The following MARCHF10 variants were observed in gnomAD, a reference collection of about 807,000 sequenced individuals.
MARCHF10 encodes the protein probable E3 ubiquitin-protein ligase MARCHF10.
In MARCHF10, 64 loss-of-function variants were observed where a neutral mutation model predicts 76.2. The ratio of observed to expected loss-of-function variants is 0.84; its 90% CI spans 0.69 to 1.03. MARCHF10 has a LOEUF of 1.03. Among genes scored for constraint, MARCHF10 ranks in the 50% least tolerant of loss-of-function variants. The pLI is 0.00. For synonymous variants in MARCHF10, 340 were observed against 357.5 expected, an observed-to-expected ratio of 0.95 and a Z score of 0.55; for missense variants, 875 against 958.0, an observed-to-expected ratio of 0.91 and a Z score of 1.14.
chr17:62,716,200 C>A (rs1222248233), intron 8 of MARCHF10, among the ~76,000 whole-genome samples: 4 of 152,214 alleles, frequency 2.6e-5, no homozygotes, highest in Non-Finnish European at 5.9e-5. Context: ...TGGCTTCAGT[C>A]TTCGCTGCTG....
In MARCHF10 at chr17:62,735,944, T is replaced by C. The variant is rs1326347626; in HGVS notation, c.1924A>G (p.Lys642Glu). Reference protein sequence around the residue: ...KIKADPEKLKKLQESLLEEDS... With the variant: ...KIKADPEKLKELQESLLEEDS... ...AAAAGTCCTCACCTTTCTTGCAATT[T>C]CTTGAGTTTCTCAGGGTCTGCCTTT... The change falls in exon 6 of 11, where the codon AAA becomes GAA. Residue 642 changes from lysine to glutamate, a missense_variant. Transcript: ENST00000311269. 1 of 1,596,646 alleles carries C rather than the reference T, an allele frequency of 6.3e-7. No individual in the cohort carries two copies. Among genetic ancestry groups the C allele is most frequent in the Non-Finnish European group, 8.5e-7 (1 of 1,176,452 alleles).
Position 62,711,963 on chromosome 17 carries a change from T to G in MARCHF10, c.2215-619A>C, listed in dbSNP as rs987943951. Reference sequence around the variant, plus strand: ...CTTTCTCTTGAGGAGTGGGCTGTGCTTTTTTTCTCGCTGGTGCTCAGAACA... The same window carrying G: ...CTTTCTCTTGAGGAGTGGGCTGTGCGTTTTTTCTCGCTGGTGCTCAGAACA... On this transcript the variant is annotated intron_variant, in intron 8 of 10. Coordinates refer to ENST00000311269, the MANE Select transcript of MARCHF10 (RefSeq NM_152598.4). The surrounding 1 kb of genome is among the most constrained non-coding windows in gnomAD (Gnocchi z 4.4). 5.3e-5 allele frequency among the ~76,000 whole-genome samples: 8 copies of G among 152,172 alleles called. No homozygotes were observed. The highest frequency in any genetic ancestry group is 1.3e-4 in the Admixed American group (2 of 15,284).
At position 62,752,061 on chromosome 17, in the gene MARCHF10, T is replaced by TA. The variant is rs549705348; in HGVS notation, c.383-7534dup. 2.6e-3 allele frequency among the ~76,000 whole-genome samples: 395 copies of TA among 151,854 alleles called. 1 individual carries two copies. In the Middle Eastern group the frequency reaches 0.031, roughly 12 times the overall value. On this transcript the variant is annotated intron_variant, in intron 4 of 10. Transcript: ENST00000311269. ...AAAAGAAGAAAAGAAAACCATTACCTATCGTGGAGGGGTCTCAGTCCTTAG... is the reference window on the plus strand; with the variant it reads ...AAAAGAAGAAAAGAAAACCATTACCTAATCGTGGAGGGGTCTCAGTCCTTAG...
At chr17:62,707,752 C>T (rs2089680991) in intron 9 of MARCHF10, 1 of 152,260 alleles carries the variant, frequency 6.6e-6, no homozygotes, top group South Asian at 2.1e-4. Context: ...TGTGTGTTCT[C>T]TCCTTAGATT....
intron 8 of MARCHF10, among the ~76,000 whole-genome samples, chr17:62,713,461 C>T (rs796771792): frequency 2.6e-4 from 40 of 152,318 alleles, no homozygotes; most frequent in African/African-American, 6.5e-4. Flanking sequence ...GATTGTGTCT[C>T]TTCTCTGATC....
At chr17:62,793,153 A>ACCT (rs2092899860) in intron 2 of MARCHF10, among the ~76,000 whole-genome samples, 2 of 120,958 alleles carry the variant, frequency 1.7e-5, no homozygotes, top group African/African-American at 3.3e-5. Context: ...CATCACCACC[A>ACCT]CCATCACCAC....
intron 4 of MARCHF10, among the ~76,000 whole-genome samples, chr17:62,755,308 C>T (rs1034488758): frequency 6.6e-6 from 1 of 152,148 alleles, no homozygotes. Context: ...ACATGTCTGG[C>T]CCTAGGGTAG....
intron 3 of MARCHF10, among the ~76,000 whole-genome samples, chr17:62,766,295 G>A (rs993582656): frequency 1.1e-4 from 17 of 152,098 alleles, no homozygotes; most frequent in African/African-American, 3.9e-4. Context: ...GAGGTTGGGA[G>A]TTCAAGACCA....
At chr17:62,721,017 G>A (rs1163766750) in intron 8 of MARCHF10, among the ~76,000 whole-genome samples, 1 of 151,828 alleles carries the variant, frequency 6.6e-6, no homozygotes, top group East Asian at 1.9e-4. Context: ...ACAGGCATGC[G>A]CCACCACGCC....
intron 1 of MARCHF10, among the ~76,000 whole-genome samples, chr17:62,802,312 C>T (rs558260633): frequency 1.1e-4 from 16 of 152,196 alleles, no homozygotes; most frequent in African/African-American, 2.2e-4. Flanking sequence ...CTCCGCCTCC[C>T]GGGTTCAAGC....
intron 2 of MARCHF10, among the ~76,000 whole-genome samples, chr17:62,796,510 G>C (rs2092988107): frequency 6.6e-6 from 1 of 152,234 alleles, no homozygotes; most frequent in Non-Finnish European, 1.5e-5. Context: ...TGCTCAATGA[G>C]AGTGGATTTG....
intron 3 of MARCHF10, among the ~76,000 whole-genome samples, chr17:62,760,669 CACTT>C (rs1286613710): frequency 3.3e-5 from 5 of 152,214 alleles, no homozygotes; most frequent in Admixed American, 2.0e-4. Flanking sequence ...TACTTGGCCA[CACTT>C]ACACCCACCA....
At chr17:62,766,777 G>A (rs192305914) in intron 3 of MARCHF10, among the ~76,000 whole-genome samples, 6 of 152,266 alleles carry the variant, frequency 3.9e-5, no homozygotes, top group Admixed American at 1.3e-4. Flanking sequence ...TGTATCATAC[G>A]CGCCTATTAT....
At chr17:62,776,233 C>T (rs2092552383) in intron 3 of MARCHF10, among the ~76,000 whole-genome samples, 1 of 152,230 alleles carries the variant, frequency 6.6e-6, no homozygotes, top group Non-Finnish European at 1.5e-5. Context: ...ATAATCTCCT[C>T]TCACACAATG....
At chr17:62,769,554 T>C (rs953963489) in intron 3 of MARCHF10, among the ~76,000 whole-genome samples, 7 of 152,104 alleles carry the variant, frequency 4.6e-5, no homozygotes, top group African/African-American at 1.7e-4. Flanking sequence ...GCAGGTACTA[T>C]AGGTGCACGC....
chr17:62,763,323 G>A (rs986439065), intron 3 of MARCHF10, among the ~76,000 whole-genome samples: 6 of 152,152 alleles, frequency 3.9e-5, no homozygotes, highest in African/African-American at 4.8e-5. Context: ...GAATGGAGAC[G>A]TGGGTTAGTT....
intron 3 of MARCHF10, among the ~76,000 whole-genome samples, chr17:62,766,793 T>A (rs1419338180): frequency 6.6e-6 from 1 of 152,196 alleles, no homozygotes; most frequent in African/African-American, 2.4e-5. Context: ...ATTATGTCTT[T>A]AACACCGTGC....
intron 1 of MARCHF10, among the ~76,000 whole-genome samples, chr17:62,802,957 T>C (rs1044715762): frequency 6.6e-6 from 1 of 152,252 alleles, no homozygotes; most frequent in Non-Finnish European, 1.5e-5. Context: ...TTTATTTATT[T>C]GTTAATTCTT....
intron 8 of MARCHF10, chr17:62,714,531 T>G (rs1555686353): frequency 2.5e-6 from 1 of 397,168 alleles, no homozygotes; most frequent in Non-Finnish European, 3.4e-6. Flanking sequence ...TGCTCCTGAC[T>G]CCTAGTGCCT....
Sources: gnomAD v4.1 joint callset for allele counts (sites outside exome capture counted in the v4.1 genomes callset) on GRCh38, gnomAD v4.1.1 for gene constraint, Gnocchi (gnomAD v3.1) non-coding constraint, MANE v1.5 for transcripts, NCBI Gene and HGNC (gene_info 2026-07-23, HGNC 2026-07-21) for gene names.